PGCKA1: variants seen among roughly 807,000 people sequenced by gnomAD.
PGCKA1 encodes PDCD10 and GCKIII kinases associated 1.
At chr4:37,483,894 T>C in the PGCKA1 span, among the ~76,000 whole-genome samples, 1 of 152,174 alleles carries the variant, frequency 6.6e-6, no homozygotes, top group Non-Finnish European at 1.5e-5. Flanking sequence ...GTTCAAATTC[T>C]TACACCACCC....
chr4:37,471,071 C>G, the PGCKA1 span, among the ~76,000 whole-genome samples: 1,475 of 152,254 alleles, frequency 9.7e-3, 27 homozygotes, highest in African/African-American at 0.034. Context: ...CACCACGTAC[C>G]TGATGTTTCT....
chr4:37,458,391 C>T, the PGCKA1 span, among the ~76,000 whole-genome samples: 1 of 152,028 alleles, frequency 6.6e-6, no homozygotes, highest in Admixed American at 6.6e-5. Flanking sequence ...AACAAATCAC[C>T]CCACACGTAA....
chr4:37,543,801 T>C, the PGCKA1 span, among the ~76,000 whole-genome samples: 1 of 150,700 alleles, frequency 6.6e-6, no homozygotes, highest in African/African-American at 2.4e-5. Flanking sequence ...GCCACTGCAC[T>C]CCAGCCTGGG....
At chr4:37,590,981 A>T in the PGCKA1 span, 12 of 1,612,060 alleles carry the variant, frequency 7.4e-6, 1 homozygote, top group Admixed American at 3.3e-5. Flanking sequence ...GCAGGAGAAG[A>T]TTTGGATGAG....
At chr4:37,589,586 C>T in the PGCKA1 span, among the ~76,000 whole-genome samples, 2 of 152,060 alleles carry the variant, frequency 1.3e-5, no homozygotes, top group Non-Finnish European at 2.9e-5. Context: ...TCACCCCTTA[C>T]CCCTCCTTCC....
chr4:37,587,498 T>A, the PGCKA1 span, among the ~76,000 whole-genome samples: 4 of 152,174 alleles, frequency 2.6e-5, no homozygotes, highest in African/African-American at 9.7e-5. Flanking sequence ...TCATATTCAC[T>A]GTGGACAAAA....
the PGCKA1 span, among the ~76,000 whole-genome samples, chr4:37,546,312 A>C: frequency 6.7e-3 from 1,014 of 152,308 alleles, 13 homozygotes; most frequent in African/African-American, 0.024. Flanking sequence ...TAAAACCAGG[A>C]CTGGGCCTGC....
the PGCKA1 span, among the ~76,000 whole-genome samples, chr4:37,456,200 G>T: frequency 2.3e-3 from 351 of 152,122 alleles, no homozygotes; most frequent in African/African-American, 8.1e-3. Flanking sequence ...CTATGTGCAG[G>T]TCAGATGTAG....
At chr4:37,520,638 G>C in the PGCKA1 span, among the ~76,000 whole-genome samples, 30,108 of 151,214 alleles carry the variant, frequency 0.2, 3,647 homozygotes, top group African/African-American at 0.33. Flanking sequence ...TATTTTTTGA[G>C]ACGGAGTCTC....
the PGCKA1 span, among the ~76,000 whole-genome samples, chr4:37,485,081 C>A: frequency 3.3e-5 from 5 of 152,196 alleles, no homozygotes; most frequent in Non-Finnish European, 7.3e-5. Context: ...GTGATTGGAA[C>A]TTTGACTTCA....
the PGCKA1 span, among the ~76,000 whole-genome samples, chr4:37,500,718 G>A: frequency 6.6e-6 from 1 of 152,164 alleles, no homozygotes; most frequent in Admixed American, 6.5e-5. Context: ...TGTCAGTGGG[G>A]TATTGAAGTC....
At chr4:37,550,794 G>A in the PGCKA1 span, among the ~76,000 whole-genome samples, 2 of 152,140 alleles carry the variant, frequency 1.3e-5, no homozygotes, top group Non-Finnish European at 1.5e-5. Context: ...TGTTTGTGGA[G>A]GAACTATAAC....
At chr4:37,516,800 T>C in the PGCKA1 span, among the ~76,000 whole-genome samples, 1 of 152,234 alleles carries the variant, frequency 6.6e-6, no homozygotes, top group African/African-American at 2.4e-5. Context: ...TTTTGGCTTC[T>C]TAGAAATTAA....
chr4:37,565,289 C>G, the PGCKA1 span, among the ~76,000 whole-genome samples: 1 of 152,132 alleles, frequency 6.6e-6, no homozygotes, highest in African/African-American at 2.4e-5. Flanking sequence ...ATGGGCTTCT[C>G]CCCCCAAAAC....
chr4:37,562,102 A>G, the PGCKA1 span, among the ~76,000 whole-genome samples: 67 of 152,364 alleles, frequency 4.4e-4, no homozygotes, highest in African/African-American at 1.5e-3. Flanking sequence ...GCACAGTGCC[A>G]TCTTGTTTGA....
the PGCKA1 span, among the ~76,000 whole-genome samples, chr4:37,501,904 A>T: frequency 6.6e-6 from 1 of 152,004 alleles, no homozygotes; most frequent in South Asian, 2.1e-4. Context: ...TCAAGCTTTG[A>T]AGTTGCTGTT....
chr4:37,587,646 G>C, the PGCKA1 span, among the ~76,000 whole-genome samples: 1 of 152,180 alleles, frequency 6.6e-6, no homozygotes. Context: ...GGGAGACTGG[G>C]GATGCAGATT....
At chr4:37,542,363 T>C in the PGCKA1 span, among the ~76,000 whole-genome samples, 1 of 152,172 alleles carries the variant, frequency 6.6e-6, no homozygotes, top group Non-Finnish European at 1.5e-5. Context: ...CAGGGGTGGC[T>C]CCACTTGAAA....
At chr4:37,585,944 T>A in the PGCKA1 span, among the ~76,000 whole-genome samples, 280 of 151,844 alleles carry the variant, frequency 1.8e-3, 8 homozygotes, top group East Asian at 0.05. Flanking sequence ...CAGAAACAAG[T>A]CCTACTTGAC....
Sources: gnomAD v4.1 joint callset for allele counts (sites outside exome capture counted in the v4.1 genomes callset) on GRCh38, gnomAD v4.1.1 for gene constraint, MANE v1.5 for transcripts, NCBI Gene and HGNC (gene_info 2026-07-23, HGNC 2026-07-21) for gene names.